ACSL6: variants seen among roughly 807,000 people sequenced by gnomAD.
ACSL6 encodes long-chain-fatty-acid--CoA ligase 6.
A neutral mutation model predicts 98.2 loss-of-function variants in ACSL6; 47 were observed. That is an observed-to-expected ratio of 0.48 (90% confidence interval 0.38 to 0.61). ACSL6 has a LOEUF of 0.61. ACSL6 is among the 20% of genes least tolerant of loss of function. The pLI, the probability that ACSL6 is intolerant of heterozygous loss-of-function variation, is 0.00. For synonymous variants in ACSL6, 362 were observed against 336.9 expected, an observed-to-expected ratio of 1.07 and a Z score of -0.82; for missense variants, 761 against 913.4, an observed-to-expected ratio of 0.83 and a Z score of 2.15.
At chr5:131,998,511 C>T (rs940400092) in intron 1 of ACSL6, among the ~76,000 whole-genome samples, 1 of 152,198 alleles carries the variant, frequency 6.6e-6, no homozygotes, top group African/African-American at 2.4e-5. Context: ...AATATGTTGG[C>T]TCCAATGTGG....
chr5:131,970,059 G>C, intron 15 of ACSL6, 69 bp downstream of exon 15: 1 of 1,443,034 alleles, frequency 6.9e-7, no homozygotes, highest in East Asian at 2.3e-5. Context: ...CCATGAGGGA[G>C]TTTTAGAGCT....
rs1752275502 is a variant in ACSL6 at position 131,954,064 on chromosome 5, C to A, written c.*170G>T. ...TTTTATAATAAAAATAAAATATACT[C>A]ATTGATGATAGAGAAAATATTGTTA... On this transcript the variant is annotated 3_prime_UTR_variant, in exon 21 of 21. Coordinates refer to ENST00000651883, the MANE Select transcript of ACSL6 (RefSeq NM_001009185.3). The A allele has an allele frequency of 8.2e-6, 4 of 489,946 alleles. No individual in the cohort carries two copies. Among genetic ancestry groups the A allele is most frequent in the African/African-American group, 4.0e-5 (2 of 50,020 alleles). The allele number at this position is 489,946 out of a possible 1,614,324, so 30.3% of individuals were successfully genotyped here. A position where few individuals can be genotyped will look rare whatever the true frequency, so the allele number is the denominator to read the frequency against.
At chr5:131,967,185 A>C (rs939933533) in intron 16 of ACSL6, among the ~76,000 whole-genome samples, 1 of 152,122 alleles carries the variant, frequency 6.6e-6, no homozygotes, top group Non-Finnish European at 1.5e-5. Context: ...ATCTCTAAAA[A>C]AAAAATAAAA....
chr5:131,988,664 G>A, intron 6 of ACSL6, 141 bp downstream of exon 6: 1 of 1,600,174 alleles, frequency 6.2e-7, no homozygotes, highest in Non-Finnish European at 8.6e-7. Context: ...GCCAACTCAG[G>A]AGCCACAGTG....
At chr5:131,987,352 T>A (rs1417191645) in intron 7 of ACSL6, among the ~76,000 whole-genome samples, 1 of 152,236 alleles carries the variant, frequency 6.6e-6, no homozygotes, top group African/African-American at 2.4e-5. Flanking sequence ...GGCTTCTGGA[T>A]GAGCAGTCAG....
At chr5:131,988,340 C>T (rs1359786612) in intron 6 of ACSL6, 114 bp from the exon 7 acceptor site, 7 of 1,363,210 alleles carry the variant, frequency 5.1e-6, no homozygotes, top group Non-Finnish European at 7.1e-6. Flanking sequence ...GTGCCCATAG[C>T]TTATGTGTAA....
rs191484196 is a variant in ACSL6 at position 131,966,319 on chromosome 5, C to G, written c.1713+97G>C. 104 of 1,196,586 alleles carry G rather than the reference C, an allele frequency of 8.7e-5. 1 individual carries two copies. In the East Asian group the frequency reaches 2.2e-3, roughly 25 times the overall value. 74.1% of individuals were successfully genotyped at this position (1,196,586 alleles called of 1,614,324 possible). ...GAGGTGCTCCTGAATGACTCATTGT[C>G]AGGGGGGATTTGGAGAAGACTCCTG... is the stretch of plus-strand genomic sequence containing the variant. On this transcript the variant is annotated intron_variant, in intron 17 of 20. Coordinates refer to ENST00000651883, the MANE Select transcript of ACSL6 (RefSeq NM_001009185.3).
chr5:131,982,934 A>G (rs560362358), intron 9 of ACSL6: 1 of 152,334 alleles, frequency 6.6e-6, no homozygotes, highest in South Asian at 2.1e-4. Flanking sequence ...CTCCATCCCT[A>G]TGCCCTCAGC....
chr5:132,001,456 C>A (rs907544765), intron 1 of ACSL6, among the ~76,000 whole-genome samples: 3 of 152,170 alleles, frequency 2.0e-5, no homozygotes, highest in Non-Finnish European at 2.9e-5. Context: ...ATTCACAGAA[C>A]CACATAAGAC....
intron 1 of ACSL6, among the ~76,000 whole-genome samples, chr5:132,002,949 G>T (rs1282976133): frequency 6.6e-6 from 1 of 152,156 alleles, no homozygotes. Context: ...ACTCAGCCCT[G>T]GGGATGCAAA....
chr5:131,984,132 G>C (rs1754041874), intron 9 of ACSL6: 2 of 152,272 alleles, frequency 1.3e-5, no homozygotes, highest in African/African-American at 4.8e-5. Context: ...CTGGATGTCA[G>C]CTCCTGGAGA....
chr5:131,967,988 G>A lies in ACSL6; in HGVS notation c.1548C>T (p.Leu516=), dbSNP rs144740812. The A allele has an allele frequency of 1.2e-5, 20 of 1,613,742 alleles. 1 individual carries two copies. The highest frequency in any genetic ancestry group is 1.2e-4 in the South Asian group (11 of 91,040). ...AGTAGTTCAGTTCCTCAACATCAAC[G>A]AGCTTGATATGATTGCAGGGAAGTG... ...GAPLPCNHIK[L]VDVEELNYWA... Residue 516 remains leucine, a synonymous_variant, in exon 16 of 21, where the codon CTC becomes CTT. Coordinates refer to ENST00000651883, the MANE Select transcript of ACSL6 (RefSeq NM_001009185.3).
chr5:131,971,230 T>G (rs138888230), intron 14 of ACSL6, among the ~76,000 whole-genome samples: 121 of 152,332 alleles, frequency 7.9e-4, no homozygotes, highest in African/African-American at 2.8e-3. Context: ...AAGGTAGAGA[T>G]GCAGTACAGG....
intron 2 of ACSL6, 63 bp downstream of exon 2, chr5:131,993,968 C>T (rs1452545227): frequency 1.2e-5 from 18 of 1,549,084 alleles, no homozygotes; most frequent in Non-Finnish European, 1.5e-5. Context: ...CTGGCTTCTA[C>T]TTCCAAGATG....
At position 131,950,818 on chromosome 5, in the gene ACSL6, C is replaced by T. The variant is rs1480707489; in HGVS notation, c.*3416G>A. The T allele has an allele frequency of 1.0e-5, 2 of 191,682 alleles. No individual in the cohort carries two copies. The highest frequency in any genetic ancestry group is 4.6e-5 in the African/African-American group (2 of 43,050). 11.9% of individuals were successfully genotyped at this position (191,682 alleles called of 1,614,324 possible). A position where few individuals can be genotyped will look rare whatever the true frequency, so the allele number is the denominator to read the frequency against. On this transcript the variant is annotated 3_prime_UTR_variant, in exon 21 of 21. Transcript: ENST00000651883. ...AAGTGCTGATTTCAAGTTGCTAAAA[C>T]ATTACCTGATTGGAAAAAATTCCAA...
chr5:131,963,443 C>T (rs1362521501), intron 17 of ACSL6, among the ~76,000 whole-genome samples: 1 of 152,234 alleles, frequency 6.6e-6, no homozygotes, highest in Admixed American at 6.5e-5. Flanking sequence ...TCAGTTCAAG[C>T]TTCCAGCTCT....
rs763979955 is a variant in ACSL6, at chr5:131,976,741, A to C, written c.917-20T>G. On this transcript the variant is annotated intron_variant, in intron 9 of 20. Transcript: ENST00000651883. Reference sequence around the variant, plus strand: ...GGTTCCCTATAAAAAGAAAGCAAGAAGTCAAATTAGTTGGAAACTCAAGGG... The same window carrying C: ...GGTTCCCTATAAAAAGAAAGCAAGACGTCAAATTAGTTGGAAACTCAAGGG... 7 of 1,611,924 alleles carry C rather than the reference A, an allele frequency of 4.3e-6. No homozygotes were observed. The highest frequency in any genetic ancestry group is 5.9e-6 in the Non-Finnish European group (7 of 1,178,124).
intron 2 of ACSL6, among the ~76,000 whole-genome samples, chr5:131,992,323 G>C (rs1754569211): frequency 6.6e-6 from 1 of 152,150 alleles, no homozygotes; most frequent in Non-Finnish European, 1.5e-5. Flanking sequence ...TTTAGGCCAG[G>C]CGAGTGACAA....
At chr5:131,975,298 G>A (rs2149727780) in intron 10 of ACSL6, 4 of 985,380 alleles carry the variant, frequency 4.1e-6, no homozygotes, top group South Asian at 4.7e-5. Context: ...CAGCAGAGTG[G>A]GCTCCGCAGG....
Sources: allele counts gnomAD v4.1 joint callset (sites outside exome capture counted in the v4.1 genomes callset), GRCh38; gene constraint gnomAD v4.1.1; transcripts MANE v1.5; gene names NCBI Gene and HGNC (gene_info 2026-07-23, HGNC 2026-07-21).